The following FGF14 variants were observed in gnomAD, a reference collection of about 807,000 sequenced individuals.
FGF14 encodes the protein fibroblast growth factor 14.
In FGF14, 5 loss-of-function variants were observed where a neutral mutation model predicts 25.5. The ratio of observed to expected loss-of-function variants is 0.20; its 90% CI spans 0.10 to 0.41. The LOEUF (loss-of-function observed/expected upper bound fraction) is 0.41, where lower values mean the gene tolerates loss of function less well. FGF14 is among the 10% of genes least tolerant of loss of function. FGF14 has a pLI of 1.00. For synonymous variants in FGF14, 138 were observed against 118.3 expected (o/e 1.17, Z -1.08); for missense variants, 222 against 320.1 (o/e 0.69, Z 2.34).
chr13:102,071,128 A>C (rs1358460469), intron 1 of FGF14, among the ~76,000 whole-genome samples: 7 of 152,330 alleles, frequency 4.6e-5, no homozygotes, highest in African/African-American at 1.7e-4. Context: ...AACATCACAG[A>C]AGGAGAAAAA....
At chr13:102,388,617 A>G (rs139428423) in intron 1 of FGF14, among the ~76,000 whole-genome samples, 9 of 152,288 alleles carry the variant, frequency 5.9e-5, no homozygotes, top group Non-Finnish European at 1.5e-5. Context: ...CTTCCTAATT[A>G]CTGAGCAATT....
chr13:101,797,735 ATGTGTGTGTGTG>A (rs1555384521), intron 3 of FGF14, among the ~76,000 whole-genome samples: 50 of 34,078 alleles, frequency 1.5e-3, no homozygotes, highest in Admixed American at 3.7e-3. Flanking sequence ...TCATGAATTG[ATGTGTGTGTGTG>A]TGTGTGTGTG....
intron 1 of FGF14, among the ~76,000 whole-genome samples, chr13:101,876,615 A>G (rs947982201): frequency 9.2e-5 from 14 of 152,210 alleles, no homozygotes; most frequent in South Asian, 4.1e-4. Context: ...CTTTTGGAAA[A>G]TAATGCACGA....
At chr13:101,826,934 A>C (rs991736077) in intron 3 of FGF14, among the ~76,000 whole-genome samples, 3 of 151,994 alleles carry the variant, frequency 2.0e-5, no homozygotes, top group Non-Finnish European at 4.4e-5. Context: ...TAGTCACAGC[A>C]ATAACTACTA....
At chr13:102,171,082 C>T (rs2048226137) in intron 1 of FGF14, among the ~76,000 whole-genome samples, 1 of 151,836 alleles carries the variant, frequency 6.6e-6, no homozygotes, top group Non-Finnish European at 1.5e-5. Flanking sequence ...TTAAACCGTC[C>T]TGTAAAAAAA....
chr13:102,112,494 T>G (rs973140347), intron 1 of FGF14, among the ~76,000 whole-genome samples: 1 of 152,222 alleles, frequency 6.6e-6, no homozygotes, highest in African/African-American at 2.4e-5. Context: ...TTAAATCATT[T>G]GAAAGGTATA....
chr13:102,321,827 T>G (rs1031853253), intron 1 of FGF14, among the ~76,000 whole-genome samples: 1 of 152,250 alleles, frequency 6.6e-6, no homozygotes, highest in Non-Finnish European at 1.5e-5. Flanking sequence ...TTTATCCTGA[T>G]TAATTGGTTC....
At chr13:102,342,708 C>T (rs1201311925) in intron 1 of FGF14, among the ~76,000 whole-genome samples, 5 of 152,078 alleles carry the variant, frequency 3.3e-5, no homozygotes, top group African/African-American at 7.2e-5. Context: ...AAACAGGAGT[C>T]TAGCTAAAAA....
chr13:102,307,855 AG>A (rs1278560625), intron 1 of FGF14, among the ~76,000 whole-genome samples: 1 of 152,162 alleles, frequency 6.6e-6, no homozygotes, highest in African/African-American at 2.4e-5. Context: ...AGCATTTATT[AG>A]GAATATACTG....
intron 1 of FGF14, among the ~76,000 whole-genome samples, chr13:102,342,531 G>A (rs2056983232): frequency 6.6e-6 from 1 of 152,100 alleles, no homozygotes; most frequent in Non-Finnish European, 1.5e-5. Context: ...TTTTAAGCCT[G>A]CAGCAATGGC....
intron 1 of FGF14, among the ~76,000 whole-genome samples, chr13:102,170,625 T>C (rs1397093090): frequency 6.6e-6 from 1 of 152,090 alleles, no homozygotes; most frequent in Admixed American, 6.6e-5. Context: ...CATAAAACTA[T>C]AGGTGGGCCG....
chr13:101,830,815 T>C (rs950649725), intron 3 of FGF14, among the ~76,000 whole-genome samples: 2 of 152,114 alleles, frequency 1.3e-5, no homozygotes, highest in Non-Finnish European at 2.9e-5. Flanking sequence ...TCCATTTTGG[T>C]GGCTCTAGGG....
intron 2 of FGF14, among the ~76,000 whole-genome samples, chr13:101,869,319 G>A (rs1594548646): frequency 6.6e-6 from 1 of 152,184 alleles, no homozygotes; most frequent in East Asian, 1.9e-4. Context: ...CGCCAGCGAA[G>A]CCAGGAAAAG....
intron 1 of FGF14, among the ~76,000 whole-genome samples, chr13:102,096,602 C>G (rs919772923): frequency 1.3e-5 from 2 of 152,138 alleles, no homozygotes; most frequent in Non-Finnish European, 2.9e-5. Flanking sequence ...TATATTTACC[C>G]TGTTTTACAT....
At chr13:102,340,429 G>C (rs1413534080) in intron 1 of FGF14, among the ~76,000 whole-genome samples, 1 of 148,494 alleles carries the variant, frequency 6.7e-6, no homozygotes, top group African/African-American at 2.6e-5. Context: ...CCTTGCCACA[G>C]TACAAACACA....
At chr13:101,968,783 A>G (rs1390009302) in intron 1 of FGF14, among the ~76,000 whole-genome samples, 2 of 151,582 alleles carry the variant, frequency 1.3e-5, no homozygotes, top group Non-Finnish European at 2.9e-5. Flanking sequence ...CAGCTGCCAG[A>G]CTAAGTGTTC....
chr13:102,084,761 G>A (rs2043810786), intron 1 of FGF14, among the ~76,000 whole-genome samples: 1 of 152,190 alleles, frequency 6.6e-6, no homozygotes, highest in South Asian at 2.1e-4. Context: ...CAGCACAAGC[G>A]AAATGCACTG....
intron 1 of FGF14, among the ~76,000 whole-genome samples, chr13:102,000,047 G>A (rs1229784985): frequency 6.6e-6 from 1 of 152,166 alleles, no homozygotes; most frequent in East Asian, 1.9e-4. Context: ...CGGGCGCGGT[G>A]GCTCACGCCT....
chr13:101,946,600 A>T (rs1054026973), intron 1 of FGF14, among the ~76,000 whole-genome samples: 1 of 152,212 alleles, frequency 6.6e-6, no homozygotes, highest in African/African-American at 2.4e-5. Context: ...CTGTGGAGTT[A>T]GTTTTTCCTC....
Sources: allele counts gnomAD v4.1 joint callset (sites outside exome capture counted in the v4.1 genomes callset), GRCh38; gene constraint gnomAD v4.1.1; transcripts MANE v1.5; gene names NCBI Gene and HGNC (gene_info 2026-07-23, HGNC 2026-07-21).